The following CALD1 variants were observed in gnomAD, a reference collection of about 807,000 sequenced individuals.
CALD1 encodes caldesmon.
CALD1 carries 33 observed loss-of-function variants against 99.9 expected under a neutral mutation model. The ratio of observed to expected loss-of-function variants is 0.33; its 90% confidence interval spans 0.25 to 0.44. The LOEUF (loss-of-function observed/expected upper bound fraction) is 0.44. CALD1 is among the 20% of genes least tolerant of loss of function. The pLI, the probability that CALD1 is intolerant of heterozygous loss-of-function variation, is 1.00. For missense variants in CALD1, 861 were observed against 962.1 expected, an observed-to-expected ratio of 0.89 and a Z score of 1.39; for synonymous variants, 310 against 325.0, an observed-to-expected ratio of 0.95 and a Z score of 0.50.
intron 1 of CALD1, among the ~76,000 whole-genome samples, chr7:134,796,843 C>T (rs1797761780): frequency 6.6e-6 from 1 of 152,162 alleles, no homozygotes. Flanking sequence ...GCCTCAGTTT[C>T]CCACAGTGCT....
rs189316983 is a variant in CALD1 at position 134,905,253 on chromosome 7, T to C, written c.72-23501T>C. On this transcript the variant is annotated intron_variant, in intron 3 of 14. Coordinates refer to ENST00000361675, the MANE Select transcript of CALD1 (RefSeq NM_033138.4). ...GATTTAATTTCCATCATGATGATGA[T>C]GATAAAATTTTAAAAATGGTGAACA... Among the ~76,000 whole-genome samples, 142 of 152,242 alleles carry C rather than the reference T, an allele frequency of 9.3e-4. 1 individual carries two copies. Among genetic ancestry groups the C allele is most frequent in the African/African-American group, 3.2e-3 (133 of 41,500 alleles).
chr7:134,836,660 C>T (rs981990389), intron 1 of CALD1, among the ~76,000 whole-genome samples: 2 of 152,170 alleles, frequency 1.3e-5, no homozygotes, highest in Non-Finnish European at 2.9e-5. Context: ...CCTGTAGCCA[C>T]GGGAAACTTA....
chr7:134,743,654 A>G (rs925598530), upstream of CALD1, among the ~76,000 whole-genome samples: 3 of 152,220 alleles, frequency 2.0e-5, no homozygotes, highest in Admixed American at 2.0e-4. Context: ...GCTGGATACT[A>G]TTAGCTTGGA....
chr7:134,850,795 T>C (rs1800043898), intron 2 of CALD1, among the ~76,000 whole-genome samples: 1 of 152,194 alleles, frequency 6.6e-6, no homozygotes. Context: ...CCTTGAGTTG[T>C]AATATTCCTC....
intron 1 of CALD1, among the ~76,000 whole-genome samples, chr7:134,790,430 C>G (rs1797481605): frequency 6.6e-6 from 1 of 152,172 alleles, no homozygotes; most frequent in Non-Finnish European, 1.5e-5. Flanking sequence ...CTCCCTAACT[C>G]CAACCCTCTC....
At chr7:134,878,306 T>C (rs1249544055) in intron 3 of CALD1, among the ~76,000 whole-genome samples, 1 of 152,178 alleles carries the variant, frequency 6.6e-6, no homozygotes, top group African/African-American at 2.4e-5. Flanking sequence ...TGGTGGCTCC[T>C]GCGTGTAATG....
At chr7:134,848,540 T>C (rs1263030651) in intron 2 of CALD1, among the ~76,000 whole-genome samples, 1 of 152,134 alleles carries the variant, frequency 6.6e-6, no homozygotes, top group Non-Finnish European at 1.5e-5. Context: ...TGATATATCA[T>C]GGAATGGGGC....
chr7:134,922,919 A>T (rs1442011570), intron 3 of CALD1, among the ~76,000 whole-genome samples: 2 of 152,196 alleles, frequency 1.3e-5, no homozygotes, highest in Non-Finnish European at 2.9e-5. Flanking sequence ...TTCCCATTGC[A>T]TATATATTTT....
At chr7:134,904,165 G>C (rs1159883290) in intron 3 of CALD1, among the ~76,000 whole-genome samples, 1 of 152,090 alleles carries the variant, frequency 6.6e-6, no homozygotes, top group Non-Finnish European at 1.5e-5. Context: ...AGAGGTTGCA[G>C]TGAGCCAAGA....
Position 134,933,500 on chromosome 7 carries a change from G to A in CALD1, c.731G>A (p.Arg244Lys), listed in dbSNP as rs369258502. 34 of 1,613,568 alleles carry A rather than the reference G, an allele frequency of 2.1e-5. No individual in the cohort carries two copies. Among genetic ancestry groups the A allele is most frequent in the Non-Finnish European group, 2.7e-5 (32 of 1,179,892 alleles). ...SSEEPKQEEE[R>K]EQGSDEISHH... is the part of the protein sequence containing the mutation. ...GAAGAGCCTAAACAAGAGGAGGAGA[G>A]GGAACAAGGTTCAGATGAGATTTCC... Residue 244 changes from arginine (R) to lysine (K), a missense_variant, in exon 5 of 15, where the codon AGG (arginine) becomes AAG (lysine). This residue lies in a region of CALD1 where 234 missense variants were observed against 233.1 expected (regional missense o/e 1.00). Transcript: ENST00000361675.
intron 1 of CALD1, among the ~76,000 whole-genome samples, chr7:134,797,924 A>C (rs1585965738): frequency 6.6e-6 from 1 of 152,164 alleles, no homozygotes; most frequent in African/African-American, 2.4e-5. Context: ...TTTAAATAAA[A>C]GTTTATTTTA....
chr7:134,737,622 G>A, the CALD1 span, among the ~76,000 whole-genome samples: 1 of 152,088 alleles, frequency 6.6e-6, no homozygotes, highest in Non-Finnish European at 1.5e-5. Flanking sequence ...TAGAGCCTCG[G>A]TTTCTTGGGA....
intron 1 of CALD1, among the ~76,000 whole-genome samples, chr7:134,769,627 T>C (rs1796860919): frequency 1.3e-5 from 2 of 152,146 alleles, no homozygotes; most frequent in African/African-American, 4.8e-5. Flanking sequence ...AGGCATTCCT[T>C]GATAGTCTAG....
rs552137472 is a variant in CALD1 at position 134,763,692 on chromosome 7, G to A, written c.-130+19329G>A. ...CCCAGCACTTTGGGAGGCTAAGGCG[G>A]GTGGATCACGAGGTCAGGAGTTTGA... On this transcript the variant is annotated intron_variant, in intron 1 of 13. Transcript: ENST00000417172. Among the ~76,000 whole-genome samples, 14 of 152,202 alleles carry A rather than the reference G, an allele frequency of 9.2e-5. No individual in the cohort carries two copies. The South Asian group carries it at 2.9e-3, about 32-fold the overall frequency.
intron 3 of CALD1, among the ~76,000 whole-genome samples, chr7:134,897,981 C>T (rs1212172385): frequency 6.6e-6 from 1 of 152,052 alleles, no homozygotes; most frequent in Non-Finnish European, 1.5e-5. Flanking sequence ...AAGTGATAAG[C>T]CTCCACTATC....
At chr7:134,833,346 C>T (rs1367752090) in intron 1 of CALD1, among the ~76,000 whole-genome samples, 1 of 152,060 alleles carries the variant, frequency 6.6e-6, no homozygotes, top group Non-Finnish European at 1.5e-5. Flanking sequence ...TTTCATTAAC[C>T]CATCTGTATC....
chr7:134,749,969 A>T (rs1476004467), intron 1 of CALD1, among the ~76,000 whole-genome samples: 4 of 152,130 alleles, frequency 2.6e-5, no homozygotes, highest in Admixed American at 2.6e-4. Context: ...AACCATAGAA[A>T]CTTCAGGGAG....
intron 13 of CALD1, chr7:134,962,887 T>A (rs1393583873): frequency 1.1e-5 from 5 of 456,566 alleles, no homozygotes; most frequent in Admixed American, 9.4e-5. Flanking sequence ...CCTTCATTTC[T>A]CCCTCTTCTT....
chr7:134,899,748 A>G (rs1361563379), intron 3 of CALD1: 2 of 152,362 alleles, frequency 1.3e-5, no homozygotes, highest in South Asian at 2.1e-4. Flanking sequence ...GGCTCAAGCA[A>G]TCTTCCCACC....
Sources: allele counts gnomAD v4.1 joint callset (sites outside exome capture counted in the v4.1 genomes callset), GRCh38; gene constraint gnomAD v4.1.1; regional missense constraint gnomAD v4.1.1; transcripts MANE v1.5; gene names NCBI Gene and HGNC (gene_info 2026-07-23, HGNC 2026-07-21).